TP53BP2: variants seen among roughly 807,000 people sequenced by gnomAD.
TP53BP2 encodes the protein apoptosis-stimulating of p53 protein 2.
TP53BP2 carries 62 observed loss-of-function variants against 126.2 expected under a neutral mutation model. The observed-to-expected ratio is 0.49, with a 90% CI of 0.40 to 0.61. TP53BP2 has a LOEUF of 0.61. Ranked by LOEUF, TP53BP2 falls within the 20% of genes least tolerant of loss-of-function variation. The pLI, the probability that TP53BP2 is intolerant of heterozygous loss-of-function variation, is 0.00. For synonymous variants in TP53BP2, 485 were observed against 502.9 expected (o/e 0.96, Z 0.48); for missense variants, 1,215 against 1,402.8 (o/e 0.87, Z 2.14).
chr1:223,783,181 T>C (rs1455328790), intron 17 of TP53BP2, among the ~76,000 whole-genome samples: 1 of 152,180 alleles, frequency 6.6e-6, no homozygotes, highest in Non-Finnish European at 1.5e-5. Flanking sequence ...CAAGAATACA[T>C]CTACCATTTG....
At chr1:223,832,649 C>A (rs1056424440) in intron 1 of TP53BP2, among the ~76,000 whole-genome samples, 1 of 152,216 alleles carries the variant, frequency 6.6e-6, no homozygotes, top group African/African-American at 2.4e-5. Flanking sequence ...CCAACTATGA[C>A]TTCTAACACT....
At chr1:223,789,296 TA>T (rs1210463844) in intron 15 of TP53BP2, 122 bp from the exon 16 acceptor site, 6 of 1,140,904 alleles carry the variant, frequency 5.3e-6, no homozygotes, top group Non-Finnish European at 7.4e-6. Flanking sequence ...GAAAACCTCT[TA>T]AACAGTTTTT....
chr1:223,828,832 G>A (rs1663596336), intron 1 of TP53BP2, among the ~76,000 whole-genome samples: 1 of 152,142 alleles, frequency 6.6e-6, no homozygotes, highest in Admixed American at 6.5e-5. Context: ...GAGGAAGGGG[G>A]AATAGGGAGT....
chr1:223,843,966 G>A (rs1664188697), intron 1 of TP53BP2, among the ~76,000 whole-genome samples: 1 of 152,164 alleles, frequency 6.6e-6, no homozygotes, highest in South Asian at 2.1e-4. Context: ...TTGCAAGCTA[G>A]ACACTGTACT....
intron 9 of TP53BP2, among the ~76,000 whole-genome samples, chr1:223,801,418 A>C (rs1452118287): frequency 6.6e-6 from 1 of 152,236 alleles, no homozygotes; most frequent in Non-Finnish European, 1.5e-5. Flanking sequence ...TGCATATGAT[A>C]ATTGTAAGAG....
chr1:223,825,676 C>G (rs1460792956), intron 1 of TP53BP2, among the ~76,000 whole-genome samples: 1 of 152,182 alleles, frequency 6.6e-6, no homozygotes, highest in African/African-American at 2.4e-5. Context: ...TACAGATCAT[C>G]TGCTATATGT....
chr1:223,829,654 T>C (rs187378553), intron 1 of TP53BP2, among the ~76,000 whole-genome samples: 1 of 152,140 alleles, frequency 6.6e-6, no homozygotes, highest in African/African-American at 2.4e-5. Flanking sequence ...ACTATTCTCA[T>C]TGAATCAAAT....
intron 12 of TP53BP2, among the ~76,000 whole-genome samples, chr1:223,797,623 CTGGT>C (rs892012443): frequency 6.6e-6 from 1 of 152,042 alleles, no homozygotes; most frequent in Admixed American, 6.6e-5. Context: ...GTTGGTCAGG[CTGGT>C]CTCGAACTCC....
At chr1:223,792,188 C>A (rs2102839250) in intron 15 of TP53BP2, among the ~76,000 whole-genome samples, 1 of 152,302 alleles carries the variant, frequency 6.6e-6, no homozygotes, top group Non-Finnish European at 1.5e-5. Flanking sequence ...ACTCCACCTA[C>A]TTCCAGGATG....
chr1:223,828,423 T>C (rs1418136939), intron 1 of TP53BP2, among the ~76,000 whole-genome samples: 1 of 152,206 alleles, frequency 6.6e-6, no homozygotes, highest in African/African-American at 2.4e-5. Context: ...CACAATAAAA[T>C]TGATTTTTTA....
chr1:223,839,742 C>T (rs1664046485), intron 1 of TP53BP2, among the ~76,000 whole-genome samples: 1 of 151,954 alleles, frequency 6.6e-6, no homozygotes. Context: ...CCAGCCTGGC[C>T]AACATGGTGA....
At chr1:223,800,538 C>A (rs758087433) in intron 10 of TP53BP2, among the ~76,000 whole-genome samples, 162 bp downstream of exon 10, 1 of 151,934 alleles carries the variant, frequency 6.6e-6, no homozygotes, top group South Asian at 2.1e-4. Context: ...GAGCCATGAG[C>A]GCACCACTGC....
At chr1:223,831,465 C>T (rs55878115) in intron 1 of TP53BP2, among the ~76,000 whole-genome samples, 1 of 28,820 alleles carries the variant, frequency 3.5e-5, no homozygotes, top group Non-Finnish European at 7.6e-5. Context: ...TATGTACCAT[C>T]TAAAAAAAAA....
intron 16 of TP53BP2, among the ~76,000 whole-genome samples, chr1:223,787,388 A>G (rs1391571874): frequency 1.3e-5 from 2 of 150,676 alleles, no homozygotes; most frequent in African/African-American, 4.9e-5. Flanking sequence ...TATAAAATTT[A>G]TATTTATATA....
At chr1:223,800,633 A>G in intron 10 of TP53BP2, 67 bp downstream of exon 10, 2 of 1,178,452 alleles carry the variant, frequency 1.7e-6, no homozygotes, top group South Asian at 1.4e-5. Context: ...GGACTCTCTA[A>G]AAGAATACAC....
At chr1:223,783,204 CCT>C (rs1046044225) in intron 17 of TP53BP2, among the ~76,000 whole-genome samples, 1 of 152,208 alleles carries the variant, frequency 6.6e-6, no homozygotes, top group Non-Finnish European at 1.5e-5. Flanking sequence ...CTCTATTAGA[CCT>C]CTGAGTTATC....
chr1:223,803,293 T>G lies in TP53BP2; in HGVS notation c.809A>C (p.Asp270Ala), dbSNP rs1314860108. Reference sequence around the variant, plus strand: ...TACCTGCAGCTCCTTATAGAGGCGATCAAGCTCAGCCACTGCAGACTGATT... The same window carrying G: ...TACCTGCAGCTCCTTATAGAGGCGAGCAAGCTCAGCCACTGCAGACTGATT... ...HDNQSAVAELDRLYKELQLRN... is the reference protein window; with the variant it reads ...HDNQSAVAELARLYKELQLRN... Residue 270 changes from aspartate to alanine, a missense_variant, in exon 7 of 18, where the codon GAT (aspartate) becomes GCT (alanine). Physicochemically the swap from Asp to Ala is moderately radical, Grantham distance 126. Transcript: ENST00000343537. 6.2e-7 allele frequency: 1 copy of G among 1,612,198 alleles called. No homozygotes were observed. Among genetic ancestry groups the G allele is most frequent in the East Asian group, 2.2e-5 (1 of 44,870 alleles).
At position 223,821,255 on chromosome 1, in the gene TP53BP2, C is replaced by T. The variant is rs1182813143; in HGVS notation, c.140G>A (p.Ser47Asn). ...VVDLCKEPGESDCHLAEVWCG... is the reference protein window; with the variant it reads ...VVDLCKEPGENDCHLAEVWCG... ...CCACACTTCAGCCAAATGGCAATCACTCTCGCCGGGTTCTTTGCACAGATC... is the reference window on the plus strand; with the variant it reads ...CCACACTTCAGCCAAATGGCAATCATTCTCGCCGGGTTCTTTGCACAGATC... Residue 47 changes from serine (S) to asparagine (N), a missense_variant, in exon 2 of 18, where the codon AGT (serine) becomes AAT (asparagine). Ser to Asn is a conservative substitution (Grantham distance 46, BLOSUM62 1). This residue lies in a region of TP53BP2 where 814 missense variants were observed against 853.0 expected (regional missense o/e 0.95). Transcript: ENST00000343537. The T allele has an allele frequency of 6.2e-7, 1 of 1,614,072 alleles. No homozygotes were observed.
At chr1:223,792,916 T>C (rs1558090309) in intron 14 of TP53BP2, among the ~76,000 whole-genome samples, 1 of 150,674 alleles carries the variant, frequency 6.6e-6, no homozygotes, top group South Asian at 2.1e-4. Context: ...CTTCTAAAAG[T>C]AGAGACCGCA....
Sources: gnomAD v4.1 joint callset for allele counts (sites outside exome capture counted in the v4.1 genomes callset) on GRCh38, gnomAD v4.1.1 for gene constraint, gnomAD v4.1.1 regional missense constraint, MANE v1.5 for transcripts, NCBI Gene and HGNC (gene_info 2026-07-23, HGNC 2026-07-21) for gene names.